LRTM3: variants seen among roughly 807,000 people sequenced by gnomAD.
LRTM3 encodes the protein leucine-rich repeat transmembrane protein 3.
the LRTM3 span, among the ~76,000 whole-genome samples, chr13:102,750,896 ACTG>A: frequency 6.6e-6 from 1 of 152,190 alleles, no homozygotes; most frequent in Non-Finnish European, 1.5e-5. Flanking sequence ...GGGCCGGAGT[ACTG>A]ATCATGGATG....
At chr13:102,734,848 GAAT>G in the LRTM3 span, 25 of 1,551,006 alleles carry the variant, frequency 1.6e-5, no homozygotes, top group Non-Finnish European at 2.1e-5. Context: ...GATGTTTGGG[GAAT>G]ATTAAGATGC....
the LRTM3 span, chr13:102,729,478 C>A: frequency 6.9e-7 from 1 of 1,459,448 alleles, no homozygotes; most frequent in South Asian, 1.5e-5. Flanking sequence ...TAGTAAGGGA[C>A]CCCGAGAGCG....
the LRTM3 span, chr13:102,740,854 C>G: frequency 1.0e-4 from 162 of 1,549,912 alleles, 1 homozygote; most frequent in Admixed American, 2.2e-3. Context: ...CCTTTGGTGA[C>G]TTAATCTGAA....
the LRTM3 span, chr13:102,745,627 C>T: frequency 1.4e-5 from 22 of 1,550,982 alleles, no homozygotes; most frequent in South Asian, 2.0e-4. Context: ...TTAAGTTTCT[C>T]GTCGTTTTAG....
At chr13:102,744,465 T>A in the LRTM3 span, 1 of 1,550,638 alleles carries the variant, frequency 6.4e-7, no homozygotes, top group Non-Finnish European at 8.7e-7. Context: ...GGAAATGAAG[T>A]CTTTAGACCT....
chr13:102,737,292 G>A, the LRTM3 span: 2 of 1,551,082 alleles, frequency 1.3e-6, no homozygotes, highest in African/African-American at 1.4e-5. Flanking sequence ...AATGATTTCT[G>A]CTGCCTTAGT....
chr13:102,732,409 T>G, the LRTM3 span: 2 of 1,551,280 alleles, frequency 1.3e-6, no homozygotes, highest in East Asian at 4.9e-5. Flanking sequence ...TTTTCATAGT[T>G]AAATATTTGG....
chr13:102,757,119 T>G, the LRTM3 span, among the ~76,000 whole-genome samples: 1 of 152,350 alleles, frequency 6.6e-6, no homozygotes, highest in Admixed American at 6.5e-5. Context: ...CCATTTGGAC[T>G]TATTCTGATT....
chr13:102,738,956 T>C, the LRTM3 span: 1 of 1,550,508 alleles, frequency 6.4e-7, no homozygotes, highest in African/African-American at 1.4e-5. Context: ...CTGCGGCATA[T>C]GTTTTGCTTT....
chr13:102,732,106 C>G, the LRTM3 span: 2 of 1,551,336 alleles, frequency 1.3e-6, no homozygotes, highest in Non-Finnish European at 1.7e-6. Context: ...TTGTAAAATT[C>G]TGTTCCCCTT....
At chr13:102,737,901 C>A in the LRTM3 span, 2 of 1,550,894 alleles carry the variant, frequency 1.3e-6, no homozygotes, top group Non-Finnish European at 1.7e-6. Flanking sequence ...AGGAACAGAA[C>A]TCTTTCCTGT....
chr13:102,739,715 C>T, the LRTM3 span: 1 of 1,549,574 alleles, frequency 6.5e-7, no homozygotes, highest in Non-Finnish European at 8.7e-7. Context: ...ATCATTCTTT[C>T]CCTGTGATAT....
chr13:102,745,726 A>G, the LRTM3 span: 1 of 1,551,220 alleles, frequency 6.4e-7, no homozygotes, highest in South Asian at 1.2e-5. Context: ...GGCTAGAATC[A>G]GATGAGATAC....
At chr13:102,736,725 A>T in the LRTM3 span, 6 of 1,550,368 alleles carry the variant, frequency 3.9e-6, no homozygotes, top group Non-Finnish European at 5.2e-6. Context: ...GAAAGGGGTG[A>T]TTTCTCTGCC....
the LRTM3 span, chr13:102,742,496 A>G: frequency 4.5e-6 from 7 of 1,550,238 alleles, no homozygotes; most frequent in African/African-American, 2.7e-5. Flanking sequence ...CTTGTTTTCA[A>G]TTTGAAGTGG....
chr13:102,745,407 G>A, the LRTM3 span: 1 of 1,550,604 alleles, frequency 6.4e-7, no homozygotes, highest in Non-Finnish European at 8.7e-7. Context: ...TTAATGTCAG[G>A]TGTCATAGTC....
the LRTM3 span, chr13:102,731,713 G>A: frequency 6.4e-7 from 1 of 1,551,358 alleles, no homozygotes; most frequent in Non-Finnish European, 8.7e-7. Context: ...CAACTATTTT[G>A]ACTTCGCTAC....
chr13:102,744,101 G>A, the LRTM3 span: 8 of 1,550,570 alleles, frequency 5.2e-6, no homozygotes, highest in South Asian at 4.8e-5. Flanking sequence ...TCCTATACTT[G>A]TGTACCATTG....
At chr13:102,750,283 T>C in the LRTM3 span, 1 of 1,550,068 alleles carries the variant, frequency 6.5e-7, no homozygotes, top group South Asian at 1.2e-5. Context: ...CACTAGTACC[T>C]GACCATAGTA....
Sources: allele counts gnomAD v4.1 joint callset (sites outside exome capture counted in the v4.1 genomes callset), GRCh38; gene constraint gnomAD v4.1.1; transcripts MANE v1.5; gene names NCBI Gene and HGNC (gene_info 2026-07-23, HGNC 2026-07-21).